The following USP42 variants were observed in gnomAD, a reference collection of about 807,000 sequenced individuals.
The protein encoded by USP42 is ubiquitin specific peptidase 42.
Under a neutral mutation model 113.0 loss-of-function variants are expected in USP42, and 23 were observed. The observed-to-expected ratio is 0.20, with a 90% CI of 0.15 to 0.29. The LOEUF is 0.29. USP42 is among the 10% of genes least tolerant of loss of function. The pLI is 1.00. For synonymous variants in USP42, 933 were observed against 699.0 expected, an observed-to-expected ratio of 1.33 and a Z score of -5.28; for missense variants, 2,174 against 1,779.8, an observed-to-expected ratio of 1.22 and a Z score of -3.99.
chr7:6,147,332 G>A (rs958364407), intron 11 of USP42, among the ~76,000 whole-genome samples: 2 of 152,164 alleles, frequency 1.3e-5, no homozygotes, highest in African/African-American at 2.4e-5. Flanking sequence ...GCGTGGTGGT[G>A]CATGTCTGTG....
intron 2 of USP42, 99 bp downstream of exon 2, chr7:6,111,473 A>T: frequency 7.0e-7 from 1 of 1,426,882 alleles, no homozygotes; most frequent in Non-Finnish European, 9.4e-7. Flanking sequence ...GCAAGGCGTG[A>T]GGCCACCTGA....
chr7:6,136,405 AC>A (rs1781152661), intron 4 of USP42, among the ~76,000 whole-genome samples: 1 of 152,236 alleles, frequency 6.6e-6, no homozygotes, highest in African/African-American at 2.4e-5. Context: ...GTCTTTGATA[AC>A]AAATTTTTAG....
chr7:6,095,595 G>A, the USP42 span, among the ~76,000 whole-genome samples: 3 of 151,024 alleles, frequency 2.0e-5, no homozygotes, highest in Non-Finnish European at 4.4e-5. Flanking sequence ...CTTGAACCTG[G>A]GAGGCGGAGG....
chr7:6,120,390 G>A (rs1024488426), intron 3 of USP42, among the ~76,000 whole-genome samples: 14 of 152,002 alleles, frequency 9.2e-5, no homozygotes, highest in Admixed American at 2.6e-4. Context: ...TTACAGGCAC[G>A]CACCATCACT....
upstream of USP42, among the ~76,000 whole-genome samples, chr7:6,102,572 G>T (rs570861987): frequency 2.7e-5 from 4 of 150,476 alleles, no homozygotes; most frequent in Non-Finnish European, 5.9e-5. Context: ...ACCAACCTGG[G>T]CAACATAGCG....
chr7:6,131,182 AG>A (rs1435668637), intron 3 of USP42, among the ~76,000 whole-genome samples: 1 of 152,192 alleles, frequency 6.6e-6, no homozygotes, highest in East Asian at 1.9e-4. Flanking sequence ...CCAGCCAGAA[AG>A]ATCTTTAGGA....
intron 3 of USP42, among the ~76,000 whole-genome samples, chr7:6,115,767 G>A (rs1479981172): frequency 6.6e-6 from 1 of 152,026 alleles, no homozygotes; most frequent in Admixed American, 6.6e-5. Context: ...TGGCATTTCT[G>A]AACTCCTTGT....
intron 14 of USP42, among the ~76,000 whole-genome samples, chr7:6,152,235 T>A (rs1782105704): frequency 6.6e-6 from 1 of 152,190 alleles, no homozygotes; most frequent in African/African-American, 2.4e-5. Flanking sequence ...CGGCCGGATG[T>A]CACCATACTC....
rs779704029 is a variant in USP42, at chr7:6,157,617, C to T, written c.3943+562C>T. 1.1e-4 allele frequency among the ~76,000 whole-genome samples: 17 copies of T among 152,274 alleles called. No individual in the cohort carries two copies. The highest frequency in any genetic ancestry group is 2.5e-4 in the Non-Finnish European group (17 of 68,018). On this transcript the variant is annotated intron_variant, in intron 16 of 17. Coordinates refer to ENST00000306177, the MANE Select transcript of USP42 (RefSeq NM_032172.3). This position sits in a 1 kb window ranked among gnomAD's most constrained non-coding sequence, Gnocchi z 4.1. Reference sequence around the variant, plus strand: ...TTCACCGTGTTAGCCAGGATGGTCTCGAGAACTCTTGGTTTTAAAGCATTT... The same window carrying T: ...TTCACCGTGTTAGCCAGGATGGTCTTGAGAACTCTTGGTTTTAAAGCATTT...
rs140634673 is a variant in USP42, at chr7:6,160,674, G to T, written c.*156G>T. The T allele has an allele frequency of 6.5e-6, 1 of 152,744 alleles. No individual in the cohort carries two copies. Among genetic ancestry groups the T allele is most frequent in the African/African-American group, 2.4e-5 (1 of 41,574 alleles). 9.5% of individuals were successfully genotyped at this position (152,744 alleles called of 1,614,324 possible). On this transcript the variant is annotated 3_prime_UTR_variant, in exon 18 of 18. Transcript: ENST00000306177. ...AATACTGTACAGATTTTACCATGGA[G>T]AACTTTTTTTTTAGTTTTTACCTTT...
At position 6,157,310 on chromosome 7, in the gene USP42, G is replaced by A; in HGVS notation, c.3943+255G>A. 1 of 1,167,928 alleles carries A rather than the reference G, an allele frequency of 8.6e-7. No individual in the cohort carries two copies. The highest frequency in any genetic ancestry group is 1.1e-6 in the Non-Finnish European group (1 of 947,952). The allele number at this position is 1,167,928 out of a possible 1,614,324, so 72.3% of individuals were successfully genotyped here. A position where few individuals can be genotyped will look rare whatever the true frequency, so the allele number is the denominator to read the frequency against. On this transcript the variant is annotated intron_variant, in intron 16 of 17. Coordinates refer to ENST00000306177, the MANE Select transcript of USP42 (RefSeq NM_032172.3). The surrounding 1 kb of genome is among the most constrained non-coding windows in gnomAD (Gnocchi z 4.1). ...GGGCAGCACTACCTGTGTCACCAAA[G>A]CCCTGGAACGTACAGCTCTAGGCAT...
intron 3 of USP42, among the ~76,000 whole-genome samples, chr7:6,119,162 C>G (rs1178647698): frequency 6.6e-6 from 1 of 152,048 alleles, no homozygotes; most frequent in Admixed American, 6.6e-5. Flanking sequence ...CTGCCGTGAG[C>G]TATGATTGCA....
intron 9 of USP42, among the ~76,000 whole-genome samples, chr7:6,144,992 C>G (rs12672392): frequency 0.063 from 9,567 of 152,186 alleles, 744 homozygotes; most frequent in East Asian, 0.43. Context: ...GCAGGATGGC[C>G]TTAAATACAC....
chr7:6,126,045 G>A (rs371094774), intron 3 of USP42, among the ~76,000 whole-genome samples: 2 of 152,234 alleles, frequency 1.3e-5, no homozygotes, highest in East Asian at 1.9e-4. Flanking sequence ...ACAGAACCCA[G>A]CATGTTTCCC....
chr7:6,120,187 A>G (rs555072295), intron 3 of USP42, among the ~76,000 whole-genome samples: 1 of 152,076 alleles, frequency 6.6e-6, no homozygotes, highest in Non-Finnish European at 1.5e-5. Flanking sequence ...GATGGTCTTG[A>G]TCTCCTGACC....
At position 6,135,948 on chromosome 7, in the gene USP42, C is replaced by T. The variant is rs766801728; in HGVS notation, c.550C>T (p.Arg184Trp). ...ACCAATGTTTGTCATCAATGAGATGCGGCGTAAGTATTAACTATTGTAGTT... is the reference window on the plus strand; with the variant it reads ...ACCAATGTTTGTCATCAATGAGATGTGGCGTAAGTATTAACTATTGTAGTT... ...IKPMFVINEM[R>W]RIARHFRFGN... Residue 184 changes from arginine (R) to tryptophan (W), a missense_variant, in exon 4 of 18, where the codon CGG becomes TGG. Coordinates refer to ENST00000306177, the MANE Select transcript of USP42 (RefSeq NM_032172.3). 7 of 1,565,538 alleles carry T rather than the reference C, an allele frequency of 4.5e-6. No individual in the cohort carries two copies. The highest frequency in any genetic ancestry group is 1.2e-5 in the South Asian group (1 of 86,746).
the USP42 span, among the ~76,000 whole-genome samples, chr7:6,084,988 C>T: frequency 6.6e-6 from 1 of 150,862 alleles, no homozygotes; most frequent in Admixed American, 6.6e-5. Context: ...CAGAGTGCTG[C>T]GATTACAGGT....
chr7:6,112,768 G>A (rs1375608191), intron 2 of USP42, among the ~76,000 whole-genome samples: 2 of 152,004 alleles, frequency 1.3e-5, no homozygotes, highest in South Asian at 4.1e-4. Flanking sequence ...GTTAGTGTTA[G>A]TGTTAGTGTA....
rs764093779 is a variant in USP42, at chr7:6,159,505, T to A, written c.*36+12T>A. ...ATTCACTAGTTATGGTAAGCTGTTT[T>A]CCTGTCTGTTTCCTCATTGTTTGTG... On this transcript the variant is annotated intron_variant, in intron 17 of 17. Transcript: ENST00000306177. This position sits in a 1 kb window ranked among gnomAD's most constrained non-coding sequence, Gnocchi z 4.1. 2.4e-5 allele frequency: 38 copies of A among 1,612,444 alleles called. No individual in the cohort carries two copies. The Middle Eastern group carries it at 5.0e-4, about 21-fold the overall frequency.
Sources: gnomAD v4.1 joint callset for allele counts (sites outside exome capture counted in the v4.1 genomes callset) on GRCh38, gnomAD v4.1.1 for gene constraint, Gnocchi (gnomAD v3.1) non-coding constraint, MANE v1.5 for transcripts, NCBI Gene and HGNC (gene_info 2026-07-23, HGNC 2026-07-21) for gene names.